Variants in PKD2 observed in about 807,000 individuals in gnomAD.
The protein encoded by PKD2 is polycystin 2, transient receptor potential cation channel.
Under a neutral mutation model 105.9 loss-of-function variants are expected in PKD2, and 48 were observed. The ratio of observed to expected loss-of-function variants is 0.45; its 90% CI spans 0.36 to 0.58. The LOEUF (loss-of-function observed/expected upper bound fraction) is 0.58. Ranked by LOEUF, PKD2 falls within the 20% of genes least tolerant of loss-of-function variation. The pLI is 0.00. For missense variants in PKD2, 1,078 were observed against 1,255.3 expected (o/e 0.86, Z 2.13); for synonymous variants, 464 against 481.1 (o/e 0.96, Z 0.46).
chr4:88,043,171 G>C, intron 4 of PKD2, 62 bp from the exon 5 acceptor site: 1 of 1,049,104 alleles, frequency 9.5e-7, no homozygotes, highest in Non-Finnish European at 1.5e-6. Context: ...AGCTGTCCTT[G>C]TAATTGCCTC....
rs1367937330 is a variant in PKD2, at chr4:88,059,716, G to A, written c.2019+1613G>A. ...AGAATTGCTCTCCTTGCACCTCCCA[G>A]AGATATAGGTGGATAGATACATACA... On this transcript the variant is annotated intron_variant, in intron 9 of 14. Transcript: ENST00000237596. Among the ~76,000 whole-genome samples, 8 of 151,878 alleles carry A rather than the reference G, an allele frequency of 5.3e-5. No homozygotes were observed. The East Asian group carries it at 1.6e-3, about 29-fold the overall frequency.
chr4:88,054,298 A>G (rs567675009), intron 7 of PKD2, among the ~76,000 whole-genome samples: 1 of 151,554 alleles, frequency 6.6e-6, no homozygotes, highest in Non-Finnish European at 1.5e-5. Context: ...CTACTTGGGA[A>G]TCTGAGGCAG....
At chr4:88,013,561 G>A (rs886582406) in intron 1 of PKD2, among the ~76,000 whole-genome samples, 1 of 152,142 alleles carries the variant, frequency 6.6e-6, no homozygotes, top group African/African-American at 2.4e-5. Context: ...AATTAGCCAG[G>A]CAGGGTGGCA....
intron 7 of PKD2, among the ~76,000 whole-genome samples, 171 bp from the exon 8 acceptor site, chr4:88,055,915 A>G (rs1252158899): frequency 6.6e-6 from 1 of 152,068 alleles, no homozygotes; most frequent in African/African-American, 2.4e-5. Flanking sequence ...ATCATACAGT[A>G]TTTGTCCTTT....
At chr4:88,062,101 T>A (rs1303221955) in intron 10 of PKD2, 97 bp downstream of exon 10, 1 of 732,548 alleles carries the variant, frequency 1.4e-6, no homozygotes. Context: ...CCATTGAAAT[T>A]GTTTGAAATA....
intron 2 of PKD2, among the ~76,000 whole-genome samples, chr4:88,023,844 G>T (rs1365748339): frequency 6.6e-6 from 1 of 152,148 alleles, no homozygotes; most frequent in East Asian, 1.9e-4. Context: ...CTAATTATTT[G>T]AGCCTAGACT....
At chr4:88,044,652 G>A (rs56327807) in intron 5 of PKD2, among the ~76,000 whole-genome samples, 13,812 of 152,136 alleles carry the variant, frequency 0.091, 2,184 homozygotes, top group African/African-American at 0.32. Context: ...ATTCATTTAT[G>A]TTTCATAAAT....
chr4:88,023,413 C>T (rs1207855728), intron 2 of PKD2, among the ~76,000 whole-genome samples: 1 of 152,208 alleles, frequency 6.6e-6, no homozygotes, highest in African/African-American at 2.4e-5. Flanking sequence ...AGAAATCCAC[C>T]CCCATGATCT....
chr4:88,053,676 A>C (rs571910097), intron 7 of PKD2, among the ~76,000 whole-genome samples: 2 of 151,590 alleles, frequency 1.3e-5, no homozygotes, highest in Non-Finnish European at 2.9e-5. Flanking sequence ...AAAAAAATGC[A>C]TAGACTTTAT....
chr4:88,053,260 A>G (rs1211490873), intron 7 of PKD2, among the ~76,000 whole-genome samples: 1 of 152,246 alleles, frequency 6.6e-6, no homozygotes, highest in Non-Finnish European at 1.5e-5. Context: ...GAACATTTCC[A>G]TCATCACAGA....
At chr4:88,050,345 G>A (rs1445000649) in intron 6 of PKD2, among the ~76,000 whole-genome samples, 1 of 151,972 alleles carries the variant, frequency 6.6e-6, no homozygotes, top group African/African-American at 2.4e-5. Flanking sequence ...TAGGCACTGG[G>A]GATACAGGAA....
chr4:88,007,667 T>G lies in PKD2; in HGVS notation c.-67T>G, dbSNP rs1473427950. On this transcript the variant is annotated 5_prime_UTR_variant, in exon 1 of 15. It removes an upstream start codon present in the reference 5' UTR. Coordinates refer to ENST00000237596, the MANE Select transcript of PKD2 (RefSeq NM_000297.4). Reference sequence around the variant, plus strand: ...GGCGGGCGCCGGGAAGAAAGGAACATGGCTCCTGAGGCGCACAGCGCCGAG... The same window carrying G: ...GGCGGGCGCCGGGAAGAAAGGAACAGGGCTCCTGAGGCGCACAGCGCCGAG... 4.8e-6 allele frequency: 5 copies of G among 1,032,162 alleles called. No homozygotes were observed. The highest frequency in any genetic ancestry group is 3.5e-4 in the Middle Eastern group (1 of 2,876). The allele number at this position is 1,032,162 out of a possible 1,614,324, so 63.9% of individuals were successfully genotyped here. A position where few individuals can be genotyped will look rare whatever the true frequency, so the allele number is the denominator to read the frequency against.
chr4:88,007,842 G>A lies in PKD2; in HGVS notation c.109G>A (p.Gly37Ser), dbSNP rs1007960523. Residue 37 changes from glycine (G) to serine (S), a missense_variant, in exon 1 of 15, where the codon GGC (glycine) becomes AGC (serine). Gly to Ser is a moderately conservative substitution (Grantham distance 56). Coordinates refer to ENST00000237596, the MANE Select transcript of PKD2 (RefSeq NM_000297.4). Reference protein sequence around the residue: ...GRLMAGCAAVGASLAAPGGLC... With the variant: ...GRLMAGCAAVSASLAAPGGLC... ...GCTGATGGCTGGCTGCGCGGCCGTG[G>A]GCGCCAGCCTCGCCGCCCCGGGCGG... is the stretch of plus-strand genomic sequence containing the variant. The A allele has an allele frequency of 3.3e-6, 4 of 1,207,948 alleles. No homozygotes were observed. Among genetic ancestry groups the A allele is most frequent in the Non-Finnish European group, 4.1e-6 (4 of 973,944 alleles). 74.8% of individuals were successfully genotyped at this position (1,207,948 alleles called of 1,614,324 possible).
chr4:88,017,063 C>T (rs371509041), intron 1 of PKD2, among the ~76,000 whole-genome samples: 1 of 150,962 alleles, frequency 6.6e-6, no homozygotes, highest in Non-Finnish European at 1.5e-5. Context: ...CAGTGGCATG[C>T]CTGTAATCCC....
At position 88,007,970 on chromosome 4, in the gene PKD2, C is replaced by G. The variant is rs749682192; in HGVS notation, c.237C>G (p.Leu79=). 2.5e-5 allele frequency: 37 copies of G among 1,500,796 alleles called. No individual in the cohort carries two copies. In the South Asian group the frequency reaches 4.0e-4, roughly 16 times the overall value. The allele number at this position is 1,500,796 out of a possible 1,614,324, so 93.0% of individuals were successfully genotyped here. Residue 79 remains leucine (L), a synonymous_variant, in exon 1 of 15, where the codon CTC becomes CTG. Coordinates refer to ENST00000237596, the MANE Select transcript of PKD2 (RefSeq NM_000297.4). ...AGAAASPSPP[L]SSCSRQAWSR... Reference sequence around the variant, plus strand: ...CCGCGGCCTCCCCTTCTCCTCCGCTCTCGTCGTGCTCCCGGCAGGCGTGGA... The same window carrying G: ...CCGCGGCCTCCCCTTCTCCTCCGCTGTCGTCGTGCTCCCGGCAGGCGTGGA...
At chr4:88,065,010 C>G (rs181609455) in intron 10 of PKD2, among the ~76,000 whole-genome samples, 38 of 152,186 alleles carry the variant, frequency 2.5e-4, no homozygotes, top group Middle Eastern at 3.4e-3. Flanking sequence ...AATAAAAATG[C>G]AATTCATGAT....
chr4:88,046,897 C>T (rs1560614287), intron 6 of PKD2, 27 bp downstream of exon 6: 3 of 1,279,218 alleles, frequency 2.3e-6, no homozygotes, highest in Non-Finnish European at 3.4e-6. Context: ...CACCAAATTT[C>T]CTATTCTATT....
chr4:88,067,889 G>C lies in PKD2; in HGVS notation c.2359-9G>C, dbSNP rs1720854715. 5 of 1,613,040 alleles carry C rather than the reference G, an allele frequency of 3.1e-6. No homozygotes were observed. The highest frequency in any genetic ancestry group is 3.4e-6 in the Non-Finnish European group (4 of 1,179,750). The stretch of plus-strand genomic sequence containing the variant: ...TCTGCTCCTCACTCAGTGACCCCTT[G>C]TTCTTCAGGAGGACCTGGATTTGGA... On this transcript the variant is annotated splice_polypyrimidine_tract_variant and intron_variant, in intron 12 of 14. Transcript: ENST00000237596.
At chr4:88,071,876 T>G (rs1388614664) in intron 13 of PKD2, among the ~76,000 whole-genome samples, 3 of 152,256 alleles carry the variant, frequency 2.0e-5, no homozygotes, top group South Asian at 2.1e-4. Flanking sequence ...GTTTACTGAT[T>G]GGTCTATTGT....
Sources: allele counts gnomAD v4.1 joint callset (sites outside exome capture counted in the v4.1 genomes callset), GRCh38; gene constraint gnomAD v4.1.1; transcripts MANE v1.5; gene names NCBI Gene and HGNC (gene_info 2026-07-23, HGNC 2026-07-21).